Variants in KANSL1 observed in about 807,000 individuals in gnomAD.
KANSL1 encodes the protein MLL1/MLL complex subunit KANSL1.
KANSL1 carries 22 observed loss-of-function variants against 103.6 expected under a neutral mutation model. That is an observed-to-expected ratio of 0.21 (90% CI 0.15 to 0.30). The LOEUF (loss-of-function observed/expected upper bound fraction) is 0.30. KANSL1 is among the 10% of genes least tolerant of loss of function. The probability of loss-of-function intolerance (pLI) is 1.00; values close to 1 mark genes in which losing one functional copy is unlikely to be tolerated. For missense variants in KANSL1, 1,337 were observed against 1,399.8 expected (o/e 0.96, Z 0.72); for synonymous variants, 600 against 527.6 (o/e 1.14, Z -1.88).
chr17:46,086,490 G>GA (rs1359957505), intron 3 of KANSL1, among the ~76,000 whole-genome samples: 1 of 152,136 alleles, frequency 6.6e-6, no homozygotes, highest in African/African-American at 2.4e-5. Flanking sequence ...AAGGATACAA[G>GA]AAAAAATGAG....
chr17:46,105,938 CACACACACACCCCCCCAG>C (rs2042536678), intron 2 of KANSL1, among the ~76,000 whole-genome samples: 1 of 74,136 alleles, frequency 1.3e-5, no homozygotes, highest in Non-Finnish European at 3.6e-5. Context: ...CACACACACA[CACACACACACCCCCCCAG>C]AAGGGTGAAG....
At chr17:46,123,989 G>A (rs1358075976) in intron 2 of KANSL1, among the ~76,000 whole-genome samples, 1 of 147,632 alleles carries the variant, frequency 6.8e-6, no homozygotes, top group Non-Finnish European at 1.5e-5. Flanking sequence ...AGAGGAGAAT[G>A]CTTGACTTCA....
At chr17:46,117,854 CAAAT>C (rs957747851) in intron 2 of KANSL1, among the ~76,000 whole-genome samples, 6 of 152,100 alleles carry the variant, frequency 3.9e-5, no homozygotes, top group African/African-American at 7.2e-5. Flanking sequence ...AAAAAAGTGA[CAAAT>C]AAATACAAAA....
At position 46,171,703 on chromosome 17, in the gene KANSL1, T is replaced by G; in HGVS notation, c.441A>C (p.Thr147=). Residue 147 remains threonine, a synonymous_variant, in exon 2 of 15, where the codon ACA becomes ACC. Coordinates refer to ENST00000432791, the MANE Select transcript of KANSL1 (RefSeq NM_015443.4). ...CATTTACAGGTGCTTGTGGCAGAGC[T>G]GTCTGACCACTCGTATTCATGGTTC... ...NLRTMNTSGQ[T]ALPQAPVNGL... The G allele has an allele frequency of 6.4e-7, 1 of 1,558,608 alleles. No individual in the cohort carries two copies. Among genetic ancestry groups the G allele is most frequent in the Non-Finnish European group, 8.6e-7 (1 of 1,156,816 alleles).
chr17:46,055,612 G>C (rs1446480024), intron 6 of KANSL1, among the ~76,000 whole-genome samples: 2 of 152,060 alleles, frequency 1.3e-5, no homozygotes, highest in Admixed American at 6.5e-5. Flanking sequence ...GACTTGAGGG[G>C]GGAGGGGAGA....
intron 2 of KANSL1, among the ~76,000 whole-genome samples, chr17:46,110,742 G>T (rs528190662): frequency 6.6e-6 from 1 of 152,252 alleles, no homozygotes; most frequent in East Asian, 1.9e-4. Flanking sequence ...AATACTGTGG[G>T]CAAGAAAAGA....
rs1354144506 is a variant in KANSL1, at chr17:46,147,278, G to T, written c.1289+23577C>A. On this transcript the variant is annotated intron_variant, in intron 2 of 14. Coordinates refer to ENST00000432791, the MANE Select transcript of KANSL1 (RefSeq NM_015443.4). The stretch of plus-strand genomic sequence containing the variant: ...GAATATGCTGTAAAGAGAAGGAGGT[G>T]AAAAACGTCAACCAGACTGGGGTGG... 2.6e-5 allele frequency among the ~76,000 whole-genome samples: 4 copies of T among 152,138 alleles called. No homozygotes were observed. The East Asian group carries it at 7.7e-4, about 29-fold the overall frequency.
chr17:46,095,097 G>A (rs2146952088), intron 2 of KANSL1, among the ~76,000 whole-genome samples: 1 of 151,748 alleles, frequency 6.6e-6, no homozygotes, highest in South Asian at 2.1e-4. Context: ...GTTCAGTAAA[G>A]AATATTTAAA....
intron 1 of KANSL1, among the ~76,000 whole-genome samples, chr17:46,186,971 G>C (rs1209531069): frequency 6.6e-6 from 1 of 152,056 alleles, no homozygotes; most frequent in Non-Finnish European, 1.5e-5. Flanking sequence ...CCTGACCTCA[G>C]GTGATCCGCC....
At position 46,170,992 on chromosome 17, in the gene KANSL1, T is replaced by C. The variant is rs1597870803; in HGVS notation, c.1152A>G (p.Thr384=). The C allele has an allele frequency of 1.2e-6, 2 of 1,614,236 alleles. No homozygotes were observed. The highest frequency in any genetic ancestry group is 2.2e-5 in the East Asian group (1 of 44,886). ...NSISEELERF[T]ASGIANLRCS... ...ACCTCAAGTTGGCTATGCCACTAGC[T>C]GTAAATCTCTCCAATTCTTCTGAAA... is the stretch of plus-strand genomic sequence containing the variant. The change falls in exon 2 of 15, where the codon ACA becomes ACG. Residue 384 remains threonine (T), a synonymous_variant. Coordinates refer to ENST00000432791, the MANE Select transcript of KANSL1 (RefSeq NM_015443.4).
At chr17:46,038,805 G>A in intron 9 of KANSL1, 119 bp from the exon 10 acceptor site, 4 of 1,351,554 alleles carry the variant, frequency 3.0e-6, no homozygotes, top group South Asian at 1.3e-5. Flanking sequence ...TATGCCTAGA[G>A]GATAAAAAGG....
chr17:46,136,432 G>A (rs1208809031), intron 2 of KANSL1, among the ~76,000 whole-genome samples: 2 of 152,130 alleles, frequency 1.3e-5, no homozygotes, highest in Non-Finnish European at 2.9e-5. Context: ...GGACCATATC[G>A]TTACCCTCTT....
intron 4 of KANSL1, among the ~76,000 whole-genome samples, chr17:46,075,093 A>G (rs1454893643): frequency 2.0e-5 from 3 of 152,232 alleles, no homozygotes; most frequent in Non-Finnish European, 4.4e-5. Flanking sequence ...GAACTCTCAC[A>G]TATTGAAGGA....
intron 4 of KANSL1, among the ~76,000 whole-genome samples, chr17:46,081,014 AG>A (rs2078970884): frequency 6.6e-6 from 1 of 152,202 alleles, no homozygotes; most frequent in East Asian, 1.9e-4. Context: ...AAATGAATGA[AG>A]GGTAGGGAAA....
chr17:46,087,018 C>T (rs1185630247), intron 3 of KANSL1, among the ~76,000 whole-genome samples: 1 of 152,084 alleles, frequency 6.6e-6, no homozygotes, highest in Non-Finnish European at 1.5e-5. Flanking sequence ...TCTACCCGCC[C>T]TGGCCTCCCA....
At chr17:46,073,874 C>T (rs2078664499) in intron 4 of KANSL1, among the ~76,000 whole-genome samples, 1 of 151,988 alleles carries the variant, frequency 6.6e-6, no homozygotes, top group Non-Finnish European at 1.5e-5. Flanking sequence ...AACTGTGAGA[C>T]TATACGGGTA....
At position 46,147,368 on chromosome 17, in the gene KANSL1, G is replaced by A. The variant is rs890226039; in HGVS notation, c.1289+23487C>T. ...GTGGGTGGATCACTTGAGTTCAGGA[G>A]TTCACGACCAGTGTGGGCAAGGTGG... is the stretch of plus-strand genomic sequence containing the variant. On this transcript the variant is annotated intron_variant, in intron 2 of 14. Coordinates refer to ENST00000432791, the MANE Select transcript of KANSL1 (RefSeq NM_015443.4). Among the ~76,000 whole-genome samples the A allele has an allele frequency of 2.0e-5, 3 of 152,180 alleles. No homozygotes were observed. In the South Asian group the frequency reaches 6.2e-4, roughly 31 times the overall value.
chr17:46,133,156 A>G (rs567852025), intron 2 of KANSL1, among the ~76,000 whole-genome samples: 36 of 152,266 alleles, frequency 2.4e-4, no homozygotes, highest in Admixed American at 1.2e-3. Context: ...GGATGGAGTA[A>G]TTTGTCAAAG....
At chr17:46,054,190 T>C (rs566752854) in intron 6 of KANSL1, among the ~76,000 whole-genome samples, 3 of 152,250 alleles carry the variant, frequency 2.0e-5, no homozygotes, top group East Asian at 1.9e-4. Context: ...GTAGCTGGGA[T>C]TGCAGGCATG....
Sources: allele counts gnomAD v4.1 joint callset (sites outside exome capture counted in the v4.1 genomes callset), GRCh38; gene constraint gnomAD v4.1.1; transcripts MANE v1.5; gene names NCBI Gene and HGNC (gene_info 2026-07-23, HGNC 2026-07-21).